The following KAT6B variants were observed in gnomAD, a reference collection of about 807,000 sequenced individuals.
The protein encoded by KAT6B is lysine acetyltransferase 6B, also known as histone acetyltransferase KAT6B.
Under a neutral mutation model 187.5 loss-of-function variants are expected in KAT6B, and 10 were observed. That is an observed-to-expected ratio of 0.05 (90% CI 0.03 to 0.09). KAT6B has a LOEUF of 0.09. KAT6B is among the 10% of genes least tolerant of loss of function. The pLI is 1.00. For missense variants in KAT6B, 1,952 were observed against 2,558.9 expected (o/e 0.76, Z 5.12); for synonymous variants, 861 against 926.8 (o/e 0.93, Z 1.29).
At position 74,933,635 on chromosome 10, in the gene KAT6B, G is replaced by C. The variant is rs368813433; in HGVS notation, c.622-26335G>C. Among the ~76,000 whole-genome samples, 6 of 152,282 alleles carry C rather than the reference G, an allele frequency of 3.9e-5. No homozygotes were observed. In the East Asian group the frequency reaches 7.7e-4, roughly 20 times the overall value. ...GGCTGTTAGGAATTTCTGTGATCTGGCCGTTAAGAAAACTAGCTGTATCTT... is the reference window on the plus strand; with the variant it reads ...GGCTGTTAGGAATTTCTGTGATCTGCCCGTTAAGAAAACTAGCTGTATCTT... On this transcript the variant is annotated intron_variant, in intron 3 of 17. Transcript: ENST00000287239.
In KAT6B at chr10:74,842,745, G is replaced by T; in HGVS notation, c.-113G>T. ...GTAAGATGTTGCTTAATACAGTCTG[G>T]AATACTCTGTCCATTTGTTGAATTG... is the stretch of plus-strand genomic sequence containing the variant. On this transcript the variant is annotated 5_prime_UTR_variant, in exon 3 of 18. Coordinates refer to ENST00000287239, the MANE Select transcript of KAT6B (RefSeq NM_012330.4). 3.4e-6 allele frequency: 4 copies of T among 1,177,634 alleles called. No individual in the cohort carries two copies. The highest frequency in any genetic ancestry group is 5.0e-6 in the Non-Finnish European group (4 of 794,326). The allele number at this position is 1,177,634 out of a possible 1,614,324, so 72.9% of individuals were successfully genotyped here.
At chr10:74,912,375 GGATAGATAGATAGATA>G (rs35051764) in intron 3 of KAT6B, among the ~76,000 whole-genome samples, 4 of 145,526 alleles carry the variant, frequency 2.7e-5, no homozygotes, top group Non-Finnish European at 4.5e-5. Context: ...ATGGATGGAT[GGATAGATAGATAGATA>G]GATAGATAGA....
Position 74,985,092 on chromosome 10 carries a change from A to G in KAT6B, c.2386A>G (p.Met796Val). 6.2e-7 allele frequency: 1 copy of G among 1,614,112 alleles called. No homozygotes were observed. The highest frequency in any genetic ancestry group is 8.5e-7 in the Non-Finnish European group (1 of 1,179,990). The change falls in exon 12 of 18, where the codon ATG (methionine) becomes GTG (valine). Residue 796 changes from methionine to valine, a missense_variant. Around this residue, in one of 9 missense-constraint regions of KAT6B, gnomAD observed 87 missense variants for 191.8 expected, o/e 0.45. Coordinates refer to ENST00000287239, the MANE Select transcript of KAT6B (RefSeq NM_012330.4). ...DLSVFEVDGNMSKIYCQNLCL... is the reference protein window; with the variant it reads ...DLSVFEVDGNVSKIYCQNLCL... ...TTCTTTTTGCTAGGTTGATGGGAATATGAGCAAAATTTATTGCCAAAACCT... is the reference window on the plus strand; with the variant it reads ...TTCTTTTTGCTAGGTTGATGGGAATGTGAGCAAAATTTATTGCCAAAACCT...
chr10:74,830,954 A>C (rs1840810004), intron 1 of KAT6B, among the ~76,000 whole-genome samples: 1 of 149,878 alleles, frequency 6.7e-6, no homozygotes, highest in Non-Finnish European at 1.5e-5. Flanking sequence ...CAACCAGCTA[A>C]TTTTTTGTAT....
intron 1 of KAT6B, among the ~76,000 whole-genome samples, chr10:74,837,056 A>G (rs1841359525): frequency 6.6e-6 from 1 of 152,204 alleles, no homozygotes; most frequent in African/African-American, 2.4e-5. Flanking sequence ...AACAACACAC[A>G]CAGCTTTAGT....
At chr10:74,924,534 G>A (rs2133094457) in intron 3 of KAT6B, among the ~76,000 whole-genome samples, 1 of 152,260 alleles carries the variant, frequency 6.6e-6, no homozygotes, top group Admixed American at 6.5e-5. Context: ...CATGTTACAA[G>A]CCAAGTGAAT....
intron 3 of KAT6B, among the ~76,000 whole-genome samples, chr10:74,959,064 A>G (rs1840900627): frequency 6.6e-6 from 1 of 151,396 alleles, no homozygotes; most frequent in Non-Finnish European, 1.5e-5. Context: ...AAATAAATAA[A>G]TAAATAAGGT....
intron 13 of KAT6B, among the ~76,000 whole-genome samples, chr10:75,004,359 G>A (rs1224823619): frequency 6.6e-6 from 1 of 152,190 alleles, no homozygotes; most frequent in Non-Finnish European, 1.5e-5. Context: ...CCACTTCTTT[G>A]TATGACTGTC....
chr10:75,024,839 T>TA, intron 16 of KAT6B, 119 bp from the exon 17 acceptor site: 2 of 919,928 alleles, frequency 2.2e-6, no homozygotes, highest in Non-Finnish European at 3.5e-6. Context: ...ACAAAGGCAT[T>TA]ACAGAAGTCA....
chr10:74,837,195 G>C (rs1369389190), intron 1 of KAT6B, among the ~76,000 whole-genome samples: 1 of 152,082 alleles, frequency 6.6e-6, no homozygotes, highest in Non-Finnish European at 1.5e-5. Flanking sequence ...GCTCAGTGCT[G>C]GACTAAGCAT....
intron 3 of KAT6B, among the ~76,000 whole-genome samples, chr10:74,928,077 A>G (rs568975391): frequency 6.6e-6 from 1 of 152,322 alleles, no homozygotes; most frequent in Non-Finnish European, 1.5e-5. Flanking sequence ...TGCAAAACTC[A>G]GGGAAAAGTA....
chr10:75,031,757 G>C lies in KAT6B; in HGVS notation c.*711G>C, dbSNP rs41305010. ...TCCATTTTGGTGACAGATTTCTTTGGGGAAAAAAGGCAGCTTTCTGTTTTA... is the reference window on the plus strand; with the variant it reads ...TCCATTTTGGTGACAGATTTCTTTGCGGAAAAAAGGCAGCTTTCTGTTTTA... On this transcript the variant is annotated 3_prime_UTR_variant, in exon 18 of 18. Coordinates refer to ENST00000287239, the MANE Select transcript of KAT6B (RefSeq NM_012330.4). 5.3e-3 allele frequency: 1,121 copies of C among 209,906 alleles called. 2 individuals carry two copies. The highest frequency in any genetic ancestry group is 8.1e-3 in the Non-Finnish European group (832 of 103,166). 13.0% of individuals were successfully genotyped at this position (209,906 alleles called of 1,614,324 possible). A position where few individuals can be genotyped will look rare whatever the true frequency, so the allele number is the denominator to read the frequency against.
chr10:74,860,411 T>A (rs1355168072), intron 3 of KAT6B, among the ~76,000 whole-genome samples: 1 of 152,248 alleles, frequency 6.6e-6, no homozygotes, highest in Non-Finnish European at 1.5e-5. Flanking sequence ...AAGCATTTAA[T>A]ATATACAATA....
chr10:74,940,947 T>C (rs1002756284), intron 3 of KAT6B, among the ~76,000 whole-genome samples: 3 of 152,166 alleles, frequency 2.0e-5, no homozygotes, highest in African/African-American at 7.2e-5. Flanking sequence ...CCATCAGAAT[T>C]CTTGAAGATT....
chr10:74,945,370 AGAGAAT>A (rs1444535663), intron 3 of KAT6B, among the ~76,000 whole-genome samples: 4 of 152,234 alleles, frequency 2.6e-5, no homozygotes, highest in African/African-American at 9.6e-5. Context: ...TGAAAAGGGA[AGAGAAT>A]GCAGGAAGGA....
intron 10 of KAT6B, among the ~76,000 whole-genome samples, chr10:74,981,531 G>A (rs546405611): frequency 1.4e-4 from 22 of 152,102 alleles, no homozygotes; most frequent in African/African-American, 4.8e-4. Flanking sequence ...GTGCCACCAC[G>A]CCCAGCTAAT....
At chr10:74,990,135 C>T (rs1326087991) in intron 13 of KAT6B, among the ~76,000 whole-genome samples, 4 of 129,846 alleles carry the variant, frequency 3.1e-5, no homozygotes, top group Non-Finnish European at 4.6e-5. Context: ...GTGGAGGTTG[C>T]AGTGAGCCGA....
chr10:74,989,764 G>GT (rs989189568), intron 13 of KAT6B, among the ~76,000 whole-genome samples: 24 of 148,830 alleles, frequency 1.6e-4, no homozygotes, highest in South Asian at 4.3e-4. Flanking sequence ...AAAAATGGTA[G>GT]TTTTTTTTTT....
chr10:74,940,884 A>G (rs1849622765), intron 3 of KAT6B, among the ~76,000 whole-genome samples: 1 of 152,220 alleles, frequency 6.6e-6, no homozygotes, highest in East Asian at 1.9e-4. Flanking sequence ...TCTTCTTAGC[A>G]TAAACTGTCC....
Sources: allele counts gnomAD v4.1 joint callset (sites outside exome capture counted in the v4.1 genomes callset), GRCh38; gene constraint gnomAD v4.1.1; regional missense constraint gnomAD v4.1.1; transcripts MANE v1.5; gene names NCBI Gene and HGNC (gene_info 2026-07-23, HGNC 2026-07-21).